Variants in RNF44 observed in about 807,000 individuals in gnomAD.
RNF44 encodes ring finger protein 44.
A neutral mutation model predicts 53.6 loss-of-function variants in RNF44; 25 were observed. That is an observed-to-expected ratio of 0.47 (90% CI 0.34 to 0.65). The LOEUF is 0.65. RNF44 is among the 30% of genes least tolerant of loss of function. The pLI is 0.01. For synonymous variants in RNF44, 282 were observed against 252.2 expected, an observed-to-expected ratio of 1.12 and a Z score of -1.12; for missense variants, 581 against 595.5, an observed-to-expected ratio of 0.98 and a Z score of 0.25.
chr5:176,542,389 C>T (rs1757467797), upstream of RNF44: 1 of 152,378 alleles, frequency 6.6e-6, no homozygotes, highest in Non-Finnish European at 1.5e-5. Context: ...TGCCGGCCAA[C>T]TTTTCGGGTC....
chr5:176,528,740 A>C lies in RNF44; in HGVS notation c.*288T>G. ...CCCCTGGCACTCAGTGCCAGCAGGA[A>C]AAGGAGGGACCTGAGGGTGCACAGG... On this transcript the variant is annotated 3_prime_UTR_variant, in exon 11 of 11. Transcript: ENST00000274811. 4.1e-6 allele frequency: 2 copies of C among 489,698 alleles called. No homozygotes were observed. The highest frequency in any genetic ancestry group is 2.0e-5 in the African/African-American group (1 of 50,730). The allele number at this position is 489,698 out of a possible 1,614,324, so 30.3% of individuals were successfully genotyped here.
upstream of RNF44, among the ~76,000 whole-genome samples, chr5:176,539,230 T>C (rs2113219069): frequency 6.6e-6 from 1 of 152,350 alleles, no homozygotes; most frequent in South Asian, 2.1e-4. Context: ...CGATGCTCCC[T>C]GGAACGCCAA....
At chr5:176,534,377 A>G (rs1234034534) in intron 1 of RNF44, among the ~76,000 whole-genome samples, 1 of 152,222 alleles carries the variant, frequency 6.6e-6, no homozygotes, top group Non-Finnish European at 1.5e-5. Flanking sequence ...CTGCCTGCCC[A>G]TCATCGGGGA....
At chr5:176,537,449 A>C (rs1757302901), upstream of RNF44, 3 of 151,902 alleles carry the variant, frequency 2.0e-5, no homozygotes, top group Admixed American at 2.0e-4. Flanking sequence ...AGAGCCAATC[A>C]CTCGCCGCGA....
Position 176,528,839 on chromosome 5 carries a change from T to G in RNF44, c.*189A>C. The G allele has an allele frequency of 1.6e-6, 1 of 618,362 alleles. No individual in the cohort carries two copies. The highest frequency in any genetic ancestry group is 2.8e-5 in the East Asian group (1 of 35,914). The allele number at this position is 618,362 out of a possible 1,614,324, so 38.3% of individuals were successfully genotyped here. Reference sequence around the variant, plus strand: ...GGCAGGCAGACTAGGGAGGGAGTCTTTGGAGCTTGGCAAATGCAGGGGCTT... The same window carrying G: ...GGCAGGCAGACTAGGGAGGGAGTCTGTGGAGCTTGGCAAATGCAGGGGCTT... On this transcript the variant is annotated 3_prime_UTR_variant, in exon 11 of 11. Transcript: ENST00000274811.
chr5:176,529,746 C>G lies in RNF44; in HGVS notation c.999G>C (p.Glu333Asp). ...ISLDLDVDDV[E>D]MENYEALLNL... ...TCCATGGGACCTCATAGTTCTCCATCTCCACATCATCCACGTCCAGGTCCA... is the reference window on the plus strand; with the variant it reads ...TCCATGGGACCTCATAGTTCTCCATGTCCACATCATCCACGTCCAGGTCCA... Residue 333 changes from glutamate (E) to aspartate (D), a missense_variant, in exon 8 of 11, where the codon GAG (glutamate) becomes GAC (aspartate). Glu to Asp is a conservative substitution (Grantham distance 45). Transcript: ENST00000274811. 1.2e-6 allele frequency: 2 copies of G among 1,612,388 alleles called. No individual in the cohort carries two copies. The highest frequency in any genetic ancestry group is 1.7e-6 in the Non-Finnish European group (2 of 1,179,132).
chr5:176,537,030 C>G lies in RNF44; in HGVS notation c.-135G>C, dbSNP rs903561296. 2.6e-5 allele frequency: 4 copies of G among 151,278 alleles called. No homozygotes were observed. The highest frequency in any genetic ancestry group is 5.9e-5 in the Non-Finnish European group (4 of 68,012). 9.4% of individuals were successfully genotyped at this position (151,278 alleles called of 1,614,324 possible). A position where few individuals can be genotyped will look rare whatever the true frequency, so the allele number is the denominator to read the frequency against. ...GGCGGGGGAGGGGGGGGGTGCCTGT[C>G]TGGATCCTTTAAGAGCTCCCGCCCT... On this transcript the variant is annotated 5_prime_UTR_variant, in exon 1 of 11. Transcript: ENST00000274811.
At chr5:176,529,928 A>G (rs981353247) in intron 7 of RNF44, 110 bp from the exon 8 acceptor site, 52 of 1,386,128 alleles carry the variant, frequency 3.8e-5, no homozygotes, top group South Asian at 2.7e-4. Context: ...TGCAGCGGGG[A>G]AGGGAGCCCA....
intron 7 of RNF44, 41 bp from the exon 8 acceptor site, chr5:176,529,859 G>A (rs760731314): frequency 8.9e-5 from 136 of 1,531,728 alleles, no homozygotes; most frequent in Non-Finnish European, 7.9e-6. Flanking sequence ...TCAAGGTCAG[G>A]AGTGGGGCAC....
At chr5:176,533,986 G>T (rs1296376527) in intron 1 of RNF44, among the ~76,000 whole-genome samples, 3 of 152,236 alleles carry the variant, frequency 2.0e-5, no homozygotes, top group African/African-American at 7.2e-5. Flanking sequence ...CAGGGAGCCA[G>T]TGTAACTGTC....
chr5:176,530,044 G>A (rs1255913624), intron 7 of RNF44, 38 bp downstream of exon 7: 8 of 1,401,718 alleles, frequency 5.7e-6, no homozygotes, highest in Admixed American at 5.5e-5. Flanking sequence ...CAGGAGAACA[G>A]GGCATCAGGG....
In RNF44 at chr5:176,527,187, G is replaced by A. The variant is rs1275490834; in HGVS notation, c.*1841C>T. ...CTAGGCCAGAAGTTGGTAAATAAGA[G>A]AGTAAACAATGGCAAGCCCCCACCA... On this transcript the variant is annotated 3_prime_UTR_variant, in exon 11 of 11. Transcript: ENST00000274811. 2 of 152,432 alleles carry A rather than the reference G, an allele frequency of 1.3e-5. No homozygotes were observed. The highest frequency in any genetic ancestry group is 2.9e-5 in the Non-Finnish European group (2 of 68,040). The allele number at this position is 152,432 out of a possible 1,614,324, so 9.4% of individuals were successfully genotyped here.
chr5:176,531,722 C>A lies in RNF44; in HGVS notation c.298-92G>T. The A allele has an allele frequency of 1.5e-6, 2 of 1,331,968 alleles. No homozygotes were observed. The highest frequency in any genetic ancestry group is 4.6e-5 in the Admixed American group (2 of 43,200). The allele number at this position is 1,331,968 out of a possible 1,614,324, so 82.5% of individuals were successfully genotyped here. On this transcript the variant is annotated intron_variant, in intron 3 of 10. Transcript: ENST00000274811. The surrounding 1 kb of genome is among the most constrained non-coding windows in gnomAD (Gnocchi z 4.2). ...AAATCATCCTGCCACATCCAGCTGCCGGCTCCCTTCCCTTCTCCACGGCGG... is the reference window on the plus strand; with the variant it reads ...AAATCATCCTGCCACATCCAGCTGCAGGCTCCCTTCCCTTCTCCACGGCGG...
At position 176,529,761 on chromosome 5, in the gene RNF44, G is replaced by T. The variant is rs1416859713; in HGVS notation, c.984C>A (p.Asp328Glu). 6.2e-7 allele frequency: 1 copy of T among 1,612,042 alleles called. No individual in the cohort carries two copies. The highest frequency in any genetic ancestry group is 8.5e-7 in the Non-Finnish European group (1 of 1,179,030). ...AMGPTISLDL[D>E]VDDVEMENYE... ...AGTTCTCCATCTCCACATCATCCAC[G>T]TCCAGGTCCAGGCTGATGGTGGGCC... Residue 328 changes from aspartate (D) to glutamate (E), a missense_variant, in exon 8 of 11, where the codon GAC becomes GAA. Transcript: ENST00000274811.
rs775567211 is a variant in RNF44, at chr5:176,529,581, T to G, written c.1078A>C (p.Ile360Leu). The G allele has an allele frequency of 1.9e-6, 3 of 1,614,024 alleles. No homozygotes were observed. Among genetic ancestry groups the G allele is most frequent in the Non-Finnish European group, 2.5e-6 (3 of 1,180,014 alleles). Residue 360 changes from isoleucine (I) to leucine (L), a missense_variant, in exon 9 of 11, where the codon ATA (isoleucine) becomes CTA (leucine). Ile to Leu is a conservative substitution (Grantham distance 5, BLOSUM62 2). Around this residue, in one of 3 missense-constraint regions of RNF44, gnomAD observed 183 missense variants for 198.6 expected, o/e 0.92. Coordinates refer to ENST00000274811, the MANE Select transcript of RNF44 (RefSeq NM_014901.5). ...AAGCGGTACGACGGGAGCTGCTCTA[T>G]GTCTGCTTTGGTGAGACCCCGGGGC... is the stretch of plus-strand genomic sequence containing the variant. ...AKPRGLTKAD[I>L]EQLPSYRFNP...
chr5:176,529,252 T>C (rs761385439), intron 10 of RNF44, 36 bp downstream of exon 10: 6 of 1,577,004 alleles, frequency 3.8e-6, no homozygotes, highest in Non-Finnish European at 5.2e-6. Context: ...CGTCACTGCA[T>C]GAGGAATACC....
At chr5:176,533,148 G>A (rs944107937) in intron 1 of RNF44, among the ~76,000 whole-genome samples, 1 of 152,168 alleles carries the variant, frequency 6.6e-6, no homozygotes, top group Non-Finnish European at 1.5e-5. Flanking sequence ...GCGGCAGCTG[G>A]GGGTTCCTGA....
At chr5:176,532,747 C>CAAAAAAAAAAAAAAAAA (rs3051911) in intron 1 of RNF44, among the ~76,000 whole-genome samples, 2 of 72,592 alleles carry the variant, frequency 2.8e-5, no homozygotes, top group African/African-American at 5.4e-5. Flanking sequence ...ACTCCCGTCT[C>CAAAAAAAAAAAAAAAAA]AAAAAAAAAA....
In RNF44 at chr5:176,529,782, G is replaced by A. The variant is rs1581096286; in HGVS notation, c.963C>T (p.Pro321=). ...MLPMSPTAMG[P]TISLDLDVDD... ...CCACGTCCAGGTCCAGGCTGATGGT[G>A]GGCCCCATTGCTGTTGGTGACATTG... Residue 321 remains proline (P), a synonymous_variant, in exon 8 of 11, where the codon CCC becomes CCT. Transcript: ENST00000274811. The A allele has an allele frequency of 6.2e-7, 1 of 1,610,886 alleles. No individual in the cohort carries two copies. The highest frequency in any genetic ancestry group is 8.5e-7 in the Non-Finnish European group (1 of 1,178,404).
Sources: allele counts gnomAD v4.1 joint callset (sites outside exome capture counted in the v4.1 genomes callset), GRCh38; gene constraint gnomAD v4.1.1; regional missense constraint gnomAD v4.1.1; non-coding constraint Gnocchi (gnomAD v3.1); transcripts MANE v1.5; gene names NCBI Gene and HGNC (gene_info 2026-07-23, HGNC 2026-07-21).